The following UBE2H variants were observed in gnomAD, a reference collection of about 807,000 sequenced individuals.
The protein encoded by UBE2H is ubiquitin conjugating enzyme E2 H, also known as ubiquitin-conjugating enzyme E2 H.
UBE2H carries 3 observed loss-of-function variants against 29.0 expected under a neutral mutation model. That is an observed-to-expected ratio of 0.10 (90% CI 0.05 to 0.27). The LOEUF (loss-of-function observed/expected upper bound fraction) is 0.27. Ranked by LOEUF, UBE2H falls within the 10% of genes least tolerant of loss-of-function variation. UBE2H has a pLI of 1.00. For synonymous variants in UBE2H, 69 were observed against 82.9 expected, an observed-to-expected ratio of 0.83 and a Z score of 0.91; for missense variants, 68 against 228.2, an observed-to-expected ratio of 0.30 and a Z score of 4.52.
intron 1 of UBE2H, among the ~76,000 whole-genome samples, chr7:129,900,393 G>T (rs1171601930): frequency 6.6e-6 from 1 of 152,190 alleles, no homozygotes; most frequent in Non-Finnish European, 1.5e-5. Context: ...TTAAATGTGA[G>T]ATCCCATAGA....
intron 1 of UBE2H, among the ~76,000 whole-genome samples, chr7:129,899,768 AAAC>A (rs1563039587): frequency 6.6e-6 from 1 of 152,234 alleles, no homozygotes; most frequent in Non-Finnish European, 1.5e-5. Context: ...TCACTTAATC[AAAC>A]AACAAGGAGT....
At chr7:129,928,111 T>A (rs1308667158) in intron 1 of UBE2H, among the ~76,000 whole-genome samples, 1 of 149,956 alleles carries the variant, frequency 6.7e-6, no homozygotes, top group Non-Finnish European at 1.5e-5. Flanking sequence ...GGCAGGCGGA[T>A]CATGAGGTCT....
intron 3 of UBE2H, among the ~76,000 whole-genome samples, chr7:129,868,220 T>C (rs1173701108): frequency 6.6e-6 from 1 of 152,162 alleles, no homozygotes; most frequent in Non-Finnish European, 1.5e-5. Flanking sequence ...AGGCAGCAAG[T>C]GTGATGGAAG....
At chr7:129,850,433 A>G (rs540776395) in intron 5 of UBE2H, among the ~76,000 whole-genome samples, 1 of 152,330 alleles carries the variant, frequency 6.6e-6, no homozygotes, top group East Asian at 1.9e-4. Flanking sequence ...TGATAAATAC[A>G]TTTAAATCTC....
chr7:129,940,087 G>C (rs1385748968), intron 1 of UBE2H, among the ~76,000 whole-genome samples: 1 of 152,020 alleles, frequency 6.6e-6, no homozygotes, highest in East Asian at 1.9e-4. Context: ...TTGCTTCTGA[G>C]GTAACACAAA....
intron 1 of UBE2H, among the ~76,000 whole-genome samples, chr7:129,928,413 G>A (rs1367602905): frequency 1.3e-5 from 2 of 152,188 alleles, no homozygotes; most frequent in South Asian, 2.1e-4. Context: ...GACCAGCCTC[G>A]CCAACATGGT....
intron 1 of UBE2H, chr7:129,951,388 T>C (rs56390971): frequency 0.32 from 48,084 of 152,022 alleles, 9,314 homozygotes; most frequent in Non-Finnish European, 0.44. Context: ...ACTTTTAAAC[T>C]GTGTTCCACA....
chr7:129,874,937 A>G (rs547555051), intron 3 of UBE2H, among the ~76,000 whole-genome samples: 10 of 152,192 alleles, frequency 6.6e-5, no homozygotes, highest in Non-Finnish European at 1.2e-4. Context: ...ATACACACAC[A>G]TAATTAAAAT....
intron 1 of UBE2H, among the ~76,000 whole-genome samples, chr7:129,913,262 A>AG (rs1185599508): frequency 6.6e-6 from 1 of 151,964 alleles, no homozygotes; most frequent in East Asian, 1.9e-4. Context: ...CAAAAAAAAA[A>AG]AAAAAAAAAG....
rs544907880 is a variant in UBE2H at position 129,947,061 on chromosome 7, G to A, written c.53+5442C>T. ...AACACTAGAAAACCAACAAACTTAG[G>A]TTGTTCTAACATACATACACAAATA... On this transcript the variant is annotated intron_variant, in intron 1 of 6. Coordinates refer to ENST00000355621, the MANE Select transcript of UBE2H (RefSeq NM_003344.4). Among the ~76,000 whole-genome samples the A allele has an allele frequency of 2.0e-5, 3 of 152,278 alleles. No individual in the cohort carries two copies. In the East Asian group the frequency reaches 5.8e-4, roughly 29 times the overall value.
chr7:129,944,680 C>T (rs572842622), intron 1 of UBE2H, among the ~76,000 whole-genome samples: 86 of 150,808 alleles, frequency 5.7e-4, no homozygotes, highest in African/African-American at 1.9e-3. Flanking sequence ...AGAGTGAAAT[C>T]CTGTCTCAAA....
intron 1 of UBE2H, among the ~76,000 whole-genome samples, chr7:129,904,828 G>C (rs1022172186): frequency 6.6e-6 from 1 of 152,222 alleles, no homozygotes; most frequent in African/African-American, 2.4e-5. Flanking sequence ...AGGCAGTTAA[G>C]AGTGATATGA....
chr7:129,898,021 A>G (rs1806634527), intron 1 of UBE2H, among the ~76,000 whole-genome samples: 1 of 152,230 alleles, frequency 6.6e-6, no homozygotes, highest in Non-Finnish European at 1.5e-5. Context: ...TGCTTTTTAA[A>G]AAAACCCATA....
intron 1 of UBE2H, among the ~76,000 whole-genome samples, chr7:129,888,120 A>G (rs1806400848): frequency 6.6e-6 from 1 of 152,236 alleles, no homozygotes; most frequent in Non-Finnish European, 1.5e-5. Context: ...GGTCATGTCC[A>G]ACAGAAAGGC....
At chr7:129,886,746 A>C (rs1038244037) in intron 1 of UBE2H, among the ~76,000 whole-genome samples, 1 of 91,468 alleles carries the variant, frequency 1.1e-5, no homozygotes, top group African/African-American at 4.7e-5. Context: ...AATTTTCACT[A>C]CCTGGTTTTT....
Position 129,833,478 on chromosome 7 carries a change from G to C in UBE2H, c.*1459C>G, listed in dbSNP as rs1403959911. ...AAAATTTCTCCAAACTCCCCTCCGA[G>C]TTCAGCAGGCAACACTCAGATTTGA... On this transcript the variant is annotated 3_prime_UTR_variant, in exon 7 of 7. Transcript: ENST00000355621. 3.3e-5 allele frequency: 5 copies of C among 152,152 alleles called. No individual in the cohort carries two copies. Among genetic ancestry groups the C allele is most frequent in the Non-Finnish European group, 7.3e-5 (5 of 68,030 alleles). 9.4% of individuals were successfully genotyped at this position (152,152 alleles called of 1,614,324 possible).
At chr7:129,931,946 C>T (rs1377604679) in intron 1 of UBE2H, among the ~76,000 whole-genome samples, 2 of 151,372 alleles carry the variant, frequency 1.3e-5, no homozygotes, top group Non-Finnish European at 2.9e-5. Flanking sequence ...TCCTCAGCCT[C>T]CCCAGTAACA....
chr7:129,923,276 G>C (rs1807202344), intron 1 of UBE2H, among the ~76,000 whole-genome samples: 1 of 152,128 alleles, frequency 6.6e-6, no homozygotes, highest in African/African-American at 2.4e-5. Flanking sequence ...ATAAAATAAA[G>C]TTTTACCTGC....
intron 3 of UBE2H, among the ~76,000 whole-genome samples, chr7:129,870,034 C>T (rs1324713154): frequency 6.6e-6 from 1 of 152,166 alleles, no homozygotes; most frequent in Non-Finnish European, 1.5e-5. Context: ...ATAGCCTTGT[C>T]CCTTTTCTTT....
Sources: gnomAD v4.1 joint callset for allele counts (sites outside exome capture counted in the v4.1 genomes callset) on GRCh38, gnomAD v4.1.1 for gene constraint, MANE v1.5 for transcripts, NCBI Gene and HGNC (gene_info 2026-07-23, HGNC 2026-07-21) for gene names.